Variants in CHCHD6 observed in about 807,000 individuals in gnomAD.
The protein encoded by CHCHD6 is MICOS complex subunit MIC25.
CHCHD6 carries 28 observed loss-of-function variants against 32.3 expected under a neutral mutation model. The observed-to-expected ratio is 0.87, with a 90% CI of 0.64 to 1.19. The LOEUF (loss-of-function observed/expected upper bound fraction) is 1.19. CHCHD6 is among the 50% of genes most tolerant of loss of function. The pLI is 0.00. For missense variants in CHCHD6, 333 were observed against 307.0 expected (o/e 1.08, Z -0.63); for synonymous variants, 122 against 117.5 (o/e 1.04, Z -0.25).
intron 6 of CHCHD6, among the ~76,000 whole-genome samples, chr3:126,928,242 C>A (rs2078352968): frequency 6.6e-6 from 1 of 152,252 alleles, no homozygotes; most frequent in African/African-American, 2.4e-5. Context: ...AGACTGATTT[C>A]TTCTGCGGCA....
intron 6 of CHCHD6, among the ~76,000 whole-genome samples, chr3:126,951,366 C>A (rs2078713250): frequency 6.6e-6 from 1 of 152,040 alleles, no homozygotes; most frequent in Non-Finnish European, 1.5e-5. Context: ...GAATACTGCA[C>A]AGAATGTTGT....
At chr3:126,775,472 G>T (rs1309559789) in intron 4 of CHCHD6, among the ~76,000 whole-genome samples, 2 of 152,156 alleles carry the variant, frequency 1.3e-5, no homozygotes, top group African/African-American at 4.8e-5. Flanking sequence ...TTAAGGCCCA[G>T]CCAGGAGAAA....
intron 4 of CHCHD6, among the ~76,000 whole-genome samples, chr3:126,810,392 G>A (rs1939605972): frequency 6.6e-6 from 1 of 152,162 alleles, no homozygotes; most frequent in South Asian, 2.1e-4. Context: ...AAACATGGAG[G>A]CAAATACTTG....
intron 5 of CHCHD6, among the ~76,000 whole-genome samples, chr3:126,908,643 A>G (rs2078039624): frequency 6.6e-6 from 1 of 152,168 alleles, no homozygotes; most frequent in Non-Finnish European, 1.5e-5. Flanking sequence ...TGGAGTTTAC[A>G]TCCCCAAGGA....
chr3:126,881,585 C>G (rs916716990), intron 5 of CHCHD6, among the ~76,000 whole-genome samples: 2 of 152,160 alleles, frequency 1.3e-5, no homozygotes, highest in African/African-American at 4.8e-5. Flanking sequence ...ACTAATACCA[C>G]AAGTCGTTGC....
chr3:126,744,619 G>A (rs1440978899), intron 4 of CHCHD6, among the ~76,000 whole-genome samples: 3 of 152,296 alleles, frequency 2.0e-5, no homozygotes, highest in African/African-American at 7.2e-5. Context: ...CCATGAACAA[G>A]ACACCAGGGG....
chr3:126,856,087 A>C (rs1460525324), intron 5 of CHCHD6, among the ~76,000 whole-genome samples: 3 of 152,338 alleles, frequency 2.0e-5, no homozygotes, highest in Non-Finnish European at 2.9e-5. Flanking sequence ...CTTGGGCCAC[A>C]CAAAATACAC....
intron 5 of CHCHD6, among the ~76,000 whole-genome samples, chr3:126,906,482 C>T (rs2078007849): frequency 6.6e-6 from 1 of 152,226 alleles, no homozygotes; most frequent in South Asian, 2.1e-4. Context: ...ATCTGTGCCT[C>T]GTGCGGTCCA....
chr3:126,745,270 G>A (rs1479829582), intron 4 of CHCHD6, among the ~76,000 whole-genome samples: 1 of 152,180 alleles, frequency 6.6e-6, no homozygotes, highest in Non-Finnish European at 1.5e-5. Flanking sequence ...GTGGCTTAGC[G>A]AAGCCCAGCG....
At chr3:126,725,590 G>T (rs759392061) in intron 1 of CHCHD6, among the ~76,000 whole-genome samples, 17 of 152,184 alleles carry the variant, frequency 1.1e-4, no homozygotes, top group Non-Finnish European at 2.1e-4. Flanking sequence ...GTCCTTTGAA[G>T]GTTTGAAGCC....
chr3:126,923,441 C>T (rs1290971475), intron 6 of CHCHD6, among the ~76,000 whole-genome samples: 1 of 152,218 alleles, frequency 6.6e-6, no homozygotes, highest in Non-Finnish European at 1.5e-5. Context: ...GAGAGATGCT[C>T]ACCAAGTCAG....
At chr3:126,874,749 A>G (rs1442259556) in intron 5 of CHCHD6, among the ~76,000 whole-genome samples, 1 of 152,080 alleles carries the variant, frequency 6.6e-6, no homozygotes, top group Admixed American at 6.5e-5. Flanking sequence ...TTAGTCCCAC[A>G]GCTTCAATAA....
In CHCHD6 at chr3:126,952,935, G is replaced by C. The variant is rs1056325940; in HGVS notation, c.567-4481G>C. The C allele has an allele frequency of 5.4e-5, 53 of 983,272 alleles. No homozygotes were observed. The African/African-American group carries it at 6.8e-4, about 13-fold the overall frequency. The allele number at this position is 983,272 out of a possible 1,614,324, so 60.9% of individuals were successfully genotyped here. ...CCAGGGACCAGGACCCATGTGCCTT[G>C]TCTGTGGCCATCACATTCTCAGGGC... On this transcript the variant is annotated intron_variant, in intron 6 of 7. Transcript: ENST00000290913.
chr3:126,809,477 C>T (rs979396714), intron 4 of CHCHD6, among the ~76,000 whole-genome samples: 8 of 152,214 alleles, frequency 5.3e-5, no homozygotes, highest in Non-Finnish European at 7.3e-5. Context: ...CTGCCCTTGT[C>T]TGCAGCTGAT....
At position 126,874,717 on chromosome 3, in the gene CHCHD6, G is replaced by A. The variant is rs113199039; in HGVS notation, c.495+21987G>A. On this transcript the variant is annotated intron_variant, in intron 5 of 7. Transcript: ENST00000290913. ...ATACTGCCCCGTCATCTGTTACCTGGACCTTTGTGGTCTCCTTGCCTTTAG... is the reference window on the plus strand; with the variant it reads ...ATACTGCCCCGTCATCTGTTACCTGAACCTTTGTGGTCTCCTTGCCTTTAG... 3.7e-3 allele frequency among the ~76,000 whole-genome samples: 556 copies of A among 152,192 alleles called. 3 individuals carry two copies. Among genetic ancestry groups the A allele is most frequent in the African/African-American group, 0.013 (533 of 41,504 alleles).
chr3:126,855,239 G>A (rs1941622018), intron 5 of CHCHD6, among the ~76,000 whole-genome samples: 1 of 152,188 alleles, frequency 6.6e-6, no homozygotes, highest in Non-Finnish European at 1.5e-5. Context: ...TGAACTTTGA[G>A]TATGGTGTAA....
At chr3:126,893,877 A>C (rs2077800601) in intron 5 of CHCHD6, among the ~76,000 whole-genome samples, 1 of 152,212 alleles carries the variant, frequency 6.6e-6, no homozygotes, top group Non-Finnish European at 1.5e-5. Flanking sequence ...GATGTGCATT[A>C]GATGTCCTGG....
At chr3:126,883,171 C>T (rs980381859) in intron 5 of CHCHD6, among the ~76,000 whole-genome samples, 1 of 152,178 alleles carries the variant, frequency 6.6e-6, no homozygotes, top group Admixed American at 6.5e-5. Flanking sequence ...CTCCACGTCC[C>T]TTTTCCCCAT....
At chr3:126,900,602 C>CT (rs35627042) in intron 5 of CHCHD6, among the ~76,000 whole-genome samples, 93,685 of 116,764 alleles carry the variant, frequency 0.8, 38,185 homozygotes, top group South Asian at 0.87. Flanking sequence ...GTGTGACACA[C>CT]TTTTTTTTTT....
Sources: allele counts gnomAD v4.1 joint callset (sites outside exome capture counted in the v4.1 genomes callset), GRCh38; gene constraint gnomAD v4.1.1; transcripts MANE v1.5; gene names NCBI Gene and HGNC (gene_info 2026-07-23, HGNC 2026-07-21).